Variants in FNDC1 observed in about 807,000 individuals in gnomAD.
FNDC1 encodes the protein fibronectin type III domain containing 1.
FNDC1 carries 96 observed loss-of-function variants against 168.0 expected under a neutral mutation model. The observed-to-expected ratio is 0.57, with a 90% CI of 0.48 to 0.68. FNDC1 has a LOEUF of 0.68. Among genes scored for constraint, FNDC1 ranks in the 30% least tolerant of loss-of-function variants. The probability of loss-of-function intolerance (pLI) is 0.00; values close to 1 mark genes in which losing one functional copy is unlikely to be tolerated. For missense variants in FNDC1, 2,587 were observed against 2,482.1 expected (o/e 1.04, Z -0.90); for synonymous variants, 1,099 against 1,025.9 (o/e 1.07, Z -1.36).
chr6:159,208,074 A>G (rs1782526166), intron 4 of FNDC1, among the ~76,000 whole-genome samples: 1 of 152,202 alleles, frequency 6.6e-6, no homozygotes, highest in South Asian at 2.1e-4. Flanking sequence ...TCTAGAGTAG[A>G]TGCTTCTAAT....
chr6:159,188,588 C>T (rs1446062003), intron 1 of FNDC1, among the ~76,000 whole-genome samples: 2 of 151,392 alleles, frequency 1.3e-5, no homozygotes, highest in Non-Finnish European at 2.9e-5. Context: ...CCGTGTTAGC[C>T]AGGATGGTCT....
chr6:159,204,761 G>C (rs1296224644), intron 4 of FNDC1, among the ~76,000 whole-genome samples: 1 of 152,158 alleles, frequency 6.6e-6, no homozygotes, highest in Non-Finnish European at 1.5e-5. Context: ...TGTCAGAGCT[G>C]GTTTTCTCAC....
At position 159,234,165 on chromosome 6, in the gene FNDC1, G is replaced by A. The variant is rs749916612; in HGVS notation, c.3653G>A (p.Ser1218Asn). The part of the protein sequence containing the change: ...TPRGGKDADG[S>N]LAKEEREPAI... ...AGGGGCGGCAAAGACGCCGATGGGA[G>A]CCTCGCCAAGGAAGAGAGGGAGCCT... Residue 1218 changes from serine (S) to asparagine (N), a missense_variant, in exon 11 of 23, where the codon AGC (serine) becomes AAC (asparagine). Physicochemically the swap from Ser to Asn is conservative, Grantham distance 46. Transcript: ENST00000297267. The A allele has an allele frequency of 1.9e-6, 3 of 1,598,622 alleles. No homozygotes were observed.
At position 159,251,284 on chromosome 6, in the gene FNDC1, AT is replaced by A. The variant is rs1397428511; in HGVS notation, c.4835-17del. The A allele has an allele frequency of 6.3e-7, 1 of 1,591,830 alleles. No individual in the cohort carries two copies. The highest frequency in any genetic ancestry group is 1.7e-5 in the Admixed American group (1 of 59,708). On this transcript the variant is annotated splice_polypyrimidine_tract_variant and intron_variant, in intron 16 of 22. Coordinates refer to ENST00000297267, the MANE Select transcript of FNDC1 (RefSeq NM_032532.3). Reference sequence around the variant, plus strand: ...AAAGCCTCCAGCAATCCAATTGGTTATCTCTGTTCTTTTCCAGCTCCTTACG... The same window carrying A: ...AAAGCCTCCAGCAATCCAATTGGTTACTCTGTTCTTTTCCAGCTCCTTACG...
rs199982522 is a variant in FNDC1, at chr6:159,231,884, A to G, written c.1372A>G (p.Ser458Gly). The G allele has an allele frequency of 1.6e-5, 25 of 1,588,070 alleles. No individual in the cohort carries two copies. In the South Asian group the frequency reaches 1.9e-4, roughly 12 times the overall value. The change falls in exon 11 of 23, where the codon AGT becomes GGT. Residue 458 changes from serine to glycine, a missense_variant and splice_region_variant. Transcript: ENST00000297267. Reference protein sequence around the residue: ...KAFIVAMPTTSKADVEQNTED... With the variant: ...KAFIVAMPTTGKADVEQNTED... ...CAATTCTTTAAAATCTGTTGCAGCC[A>G]GTAAGGCGGATGTTGAGCAGAACAC...
intron 6 of FNDC1, 73 bp downstream of exon 6, chr6:159,221,769 G>A: frequency 8.8e-7 from 1 of 1,132,076 alleles, no homozygotes; most frequent in Non-Finnish European, 1.3e-6. Context: ...AATGATGCTG[G>A]CTGAATGATG....
intron 1 of FNDC1, among the ~76,000 whole-genome samples, chr6:159,179,199 C>A (rs1446704011): frequency 1.3e-5 from 2 of 152,244 alleles, no homozygotes; most frequent in Admixed American, 1.3e-4. Flanking sequence ...TGGCTCATGT[C>A]TATAATCCCA....
At chr6:159,184,966 C>T (rs1781961249) in intron 1 of FNDC1, among the ~76,000 whole-genome samples, 1 of 146,818 alleles carries the variant, frequency 6.8e-6, no homozygotes, top group Admixed American at 7.2e-5. Flanking sequence ...CTCTTTAGGG[C>T]CTGTTATTTC....
intron 1 of FNDC1, among the ~76,000 whole-genome samples, chr6:159,180,270 C>T (rs1210920985): frequency 6.6e-6 from 1 of 152,164 alleles, no homozygotes; most frequent in East Asian, 1.9e-4. Context: ...CTCCCTGCGT[C>T]TTCTCTTGTA....
intron 17 of FNDC1, among the ~76,000 whole-genome samples, chr6:159,253,461 A>AG (rs1562309902): frequency 6.6e-6 from 1 of 152,196 alleles, no homozygotes; most frequent in Non-Finnish European, 1.5e-5. Flanking sequence ...TGCTGGCTAC[A>AG]TGGATGTTGT....
In FNDC1 at chr6:159,232,823, C is replaced by T. The variant is rs1215430860; in HGVS notation, c.2311C>T (p.Leu771Phe). The T allele has an allele frequency of 1.9e-5, 31 of 1,613,856 alleles. No individual in the cohort carries two copies. The highest frequency in any genetic ancestry group is 2.5e-5 in the Non-Finnish European group (29 of 1,179,908). ...STMSSSVSSH[L>F]SSRTQVSEGA... ...CATGTCCTCCTCCGTCTCTTCTCAT[C>T]TCTCGTCCAGGACGCAGGTCTCTGA... The change falls in exon 11 of 23, where the codon CTC becomes TTC. Residue 771 changes from leucine (L) to phenylalanine (F), a missense_variant. Transcript: ENST00000297267. This position sits in a 1 kb window ranked among gnomAD's most constrained non-coding sequence, Gnocchi z 4.9.
intron 7 of FNDC1, among the ~76,000 whole-genome samples, chr6:159,225,301 T>C (rs365302): frequency 0.38 from 57,938 of 151,524 alleles, 14,139 homozygotes; most frequent in East Asian, 0.73. Flanking sequence ...CTCTTTTGAA[T>C]GGTAAGATTT....
At chr6:159,208,593 G>A (rs754286218) in intron 4 of FNDC1, among the ~76,000 whole-genome samples, 43 of 152,232 alleles carry the variant, frequency 2.8e-4, no homozygotes, top group South Asian at 6.2e-4. Flanking sequence ...TGAAACTGAC[G>A]GCACAAAGTA....
Position 159,271,591 on chromosome 6 carries a change from CTCAGTCTG to C in FNDC1, c.*150_*157del. The C allele has an allele frequency of 1.6e-6, 1 of 619,534 alleles. No homozygotes were observed. Among genetic ancestry groups the C allele is most frequent in the Admixed American group, 2.5e-5 (1 of 39,548 alleles). 38.4% of individuals were successfully genotyped at this position (619,534 alleles called of 1,614,324 possible). A position where few individuals can be genotyped will look rare whatever the true frequency, so the allele number is the denominator to read the frequency against. On this transcript the variant is annotated 3_prime_UTR_variant, in exon 23 of 23. Coordinates refer to ENST00000297267, the MANE Select transcript of FNDC1 (RefSeq NM_032532.3). Reference sequence around the variant, plus strand: ...GATGGACACTGGCCATTCTGGTCATCTCAGTCTGGAACTCAGTCCCACTTCTTGGCCTG... The same window carrying C: ...GATGGACACTGGCCATTCTGGTCATCGAACTCAGTCCCACTTCTTGGCCTG...
chr6:159,256,381 C>A lies in FNDC1; in HGVS notation c.5066-142C>A, dbSNP rs540511039. ...CAGTGTTACATCCCATCCTGTCCCA[C>A]AGTGCCGCGTGCCCTCCTTCCTGTA... On this transcript the variant is annotated intron_variant, in intron 17 of 22. Transcript: ENST00000297267. 3.5e-5 allele frequency: 23 copies of A among 658,508 alleles called. No individual in the cohort carries two copies. The African/African-American group carries it at 3.6e-4, about 10-fold the overall frequency. 40.8% of individuals were successfully genotyped at this position (658,508 alleles called of 1,614,324 possible).
intron 4 of FNDC1, among the ~76,000 whole-genome samples, chr6:159,204,306 A>G (rs566067652): frequency 8.5e-5 from 13 of 152,210 alleles, no homozygotes; most frequent in African/African-American, 2.9e-4. Flanking sequence ...CATCCATGAC[A>G]ATGACCCATT....
chr6:159,171,120 C>G (rs912363047), intron 1 of FNDC1, among the ~76,000 whole-genome samples: 1 of 99,244 alleles, frequency 1.0e-5, no homozygotes, highest in African/African-American at 4.0e-5. Context: ...TTTGTGAGAG[C>G]TCCTGGAATC....
intron 2 of FNDC1, among the ~76,000 whole-genome samples, 188 bp from the exon 3 acceptor site, chr6:159,199,808 A>G (rs1782333300): frequency 6.6e-6 from 1 of 152,222 alleles, no homozygotes; most frequent in Non-Finnish European, 1.5e-5. Context: ...TTTCAGTTGC[A>G]TGAGAAGAAT....
At chr6:159,217,858 G>C (rs1211250260) in intron 5 of FNDC1, among the ~76,000 whole-genome samples, 1 of 152,186 alleles carries the variant, frequency 6.6e-6, no homozygotes, top group Non-Finnish European at 1.5e-5. Flanking sequence ...AGAGTGATGT[G>C]CTTTGCCAAG....
Sources: allele counts gnomAD v4.1 joint callset (sites outside exome capture counted in the v4.1 genomes callset), GRCh38; gene constraint gnomAD v4.1.1; non-coding constraint Gnocchi (gnomAD v3.1); transcripts MANE v1.5; gene names NCBI Gene and HGNC (gene_info 2026-07-23, HGNC 2026-07-21).